Variants in PHYKPL observed in about 807,000 individuals in gnomAD.
The protein encoded by PHYKPL is 5-phosphohydroxy-L-lysine phospho-lyase, also known as 5-phosphonooxy-L-lysine phospho-lyase.
In PHYKPL, 42 loss-of-function variants were observed where a neutral mutation model predicts 51.3. The ratio of observed to expected loss-of-function variants is 0.82; its 90% CI spans 0.64 to 1.06. The LOEUF (loss-of-function observed/expected upper bound fraction) is 1.06, where lower values mean the gene tolerates loss of function less well. Among genes scored for constraint, PHYKPL ranks in the 50% least tolerant of loss-of-function variants. The pLI is 0.00. For synonymous variants in PHYKPL, 264 were observed against 236.0 expected (o/e 1.12, Z -1.09); for missense variants, 655 against 586.6 (o/e 1.12, Z -1.20).
intron 10 of PHYKPL, among the ~76,000 whole-genome samples, chr5:178,214,168 C>CT (rs1459454941): frequency 2.6e-5 from 4 of 152,114 alleles, no homozygotes; most frequent in Admixed American, 2.6e-4. Context: ...ACCAGAAGAG[C>CT]TTTCCATGGT....
At chr5:178,227,575 A>G (rs1001252201) in intron 3 of PHYKPL, among the ~76,000 whole-genome samples, 1 of 152,112 alleles carries the variant, frequency 6.6e-6, no homozygotes, top group African/African-American at 2.4e-5. Context: ...GGAGAAGATG[A>G]GGGAGGCCAG....
chr5:178,224,536 G>C lies in PHYKPL; in HGVS notation c.530C>G (p.Pro177Arg). ...VAPLPDTYRG[P>R]YREDHPNPAM... ...TGGGTTGGGGTGGTCCTCCCGGTAGGGGCCCCGGTAGGTGTCTGGGAGAGG... is the reference window on the plus strand; with the variant it reads ...TGGGTTGGGGTGGTCCTCCCGGTAGCGGCCCCGGTAGGTGTCTGGGAGAGG... The change falls in exon 6 of 13, where the codon CCC (proline) becomes CGC (arginine). Residue 177 changes from proline (P) to arginine (R), a missense_variant. Coordinates refer to ENST00000308158, the MANE Select transcript of PHYKPL (RefSeq NM_153373.4). The C allele has an allele frequency of 6.2e-7, 1 of 1,614,144 alleles. No individual in the cohort carries two copies. The highest frequency in any genetic ancestry group is 8.5e-7 in the Non-Finnish European group (1 of 1,179,970).
intron 3 of PHYKPL, among the ~76,000 whole-genome samples, chr5:178,227,167 T>C (rs143744679): frequency 1.7e-4 from 26 of 151,936 alleles, no homozygotes; most frequent in African/African-American, 6.3e-4. Context: ...TACATTAAGA[T>C]GAGGCCGTCA....
intron 12 of PHYKPL, chr5:178,210,159 A>T: frequency 6.2e-7 from 1 of 1,614,050 alleles, no homozygotes; most frequent in Non-Finnish European, 8.5e-7. Flanking sequence ...AATCAGGGCT[A>T]CGGCAACTAC....
chr5:178,231,624 CGG>C (rs3833653), intron 1 of PHYKPL, 101 bp from the exon 2 acceptor site: 3 of 1,605,192 alleles, frequency 1.9e-6, no homozygotes, highest in Non-Finnish European at 1.7e-6. Flanking sequence ...TTTCTGGTGG[CGG>C]GGGGGAAATG....
At chr5:178,232,052 A>T in intron 1 of PHYKPL, 1 of 1,163,788 alleles carries the variant, frequency 8.6e-7, no homozygotes, top group South Asian at 1.7e-5. Flanking sequence ...CTGTGAACCG[A>T]CTCCCCCGAC....
intron 10 of PHYKPL, among the ~76,000 whole-genome samples, chr5:178,213,554 T>C (rs1013785777): frequency 1.3e-5 from 2 of 152,264 alleles, no homozygotes; most frequent in African/African-American, 4.8e-5. Context: ...TTCCGGGTTA[T>C]CTTACAATTC....
intron 1 of PHYKPL, chr5:178,232,204 GAC>G (rs1763611927): frequency 4.0e-6 from 5 of 1,254,550 alleles, no homozygotes; most frequent in South Asian, 4.7e-5. Context: ...AAGCGAGGCT[GAC>G]ACAGCCGAAC....
intron 11 of PHYKPL, 96 bp from the exon 12 acceptor site, chr5:178,212,066 A>C: frequency 1.5e-6 from 2 of 1,366,806 alleles, no homozygotes; most frequent in Non-Finnish European, 2.1e-6. Flanking sequence ...CAGTTTAGAG[A>C]TTGGGCCCTC....
chr5:178,217,802 G>C (rs1243896135), intron 8 of PHYKPL, among the ~76,000 whole-genome samples: 1 of 146,584 alleles, frequency 6.8e-6, no homozygotes, highest in Non-Finnish European at 1.5e-5. Flanking sequence ...AGCTTGCAGT[G>C]AGCCGAGATC....
chr5:178,210,265 C>A, intron 12 of PHYKPL: 1 of 1,614,106 alleles, frequency 6.2e-7, no homozygotes, highest in South Asian at 1.1e-5. Flanking sequence ...GCCCCGGCTA[C>A]GACTACAGTA....
At chr5:178,210,798 G>GTGTT (rs924332868) in intron 12 of PHYKPL, 7 of 627,506 alleles carry the variant, frequency 1.1e-5, no homozygotes, top group Admixed American at 2.5e-5. Flanking sequence ...AGAGCTCTAG[G>GTGTT]TGTTTAGGCA....
chr5:178,222,234 G>A (rs569881089), intron 8 of PHYKPL, 121 bp downstream of exon 8: 88 of 829,990 alleles, frequency 1.1e-4, no homozygotes, highest in African/African-American at 1.0e-3. Context: ...TAAGGACAGC[G>A]TCTTGGAAGC....
chr5:178,209,979 G>A (rs1427098197), intron 12 of PHYKPL, among the ~76,000 whole-genome samples: 8 of 100,094 alleles, frequency 8.0e-5, no homozygotes, highest in Non-Finnish European at 6.0e-5. Context: ...GCAGGGTTGG[G>A]CCCAGGGCCC....
intron 7 of PHYKPL, 90 bp downstream of exon 7, chr5:178,222,762 G>A: frequency 6.8e-7 from 1 of 1,476,076 alleles, no homozygotes; most frequent in Non-Finnish European, 9.3e-7. Context: ...CTGGCAGTCA[G>A]GACAGGCTGA....
intron 7 of PHYKPL, 60 bp downstream of exon 7, chr5:178,222,792 G>A: frequency 6.4e-7 from 1 of 1,573,486 alleles, no homozygotes; most frequent in Non-Finnish European, 8.7e-7. Context: ...TTGGACCAGA[G>A]GTTGGAAAAC....
chr5:178,210,254 G>A (rs773958228), intron 12 of PHYKPL: 15 of 1,613,856 alleles, frequency 9.3e-6, no homozygotes, highest in East Asian at 6.7e-5. Context: ...TTACGGCTAC[G>A]GCCCCGGCTA....
rs1019168559 is a variant in PHYKPL, at chr5:178,231,662, T to TC, written c.60-140dup. Reference sequence around the variant, plus strand: ...AGAGCTGGAAGGGCAAGGTGCTGCTTCCCTGCCTTGTCTCTCCACTCCACA... The same window carrying TC: ...AGAGCTGGAAGGGCAAGGTGCTGCTTCCCCTGCCTTGTCTCTCCACTCCACA... On this transcript the variant is annotated intron_variant, in intron 1 of 12. Coordinates refer to ENST00000308158, the MANE Select transcript of PHYKPL (RefSeq NM_153373.4). The TC allele has an allele frequency of 1.3e-5, 20 of 1,587,042 alleles. 1 individual carries two copies. The highest frequency in any genetic ancestry group is 1.0e-5 in the Non-Finnish European group (12 of 1,166,652).
At chr5:178,228,884 C>T (rs1033767797) in intron 3 of PHYKPL, among the ~76,000 whole-genome samples, 4 of 152,156 alleles carry the variant, frequency 2.6e-5, no homozygotes, top group Non-Finnish European at 4.4e-5. Flanking sequence ...CCGATAGTTT[C>T]CCAATGCTCT....
Sources: gnomAD v4.1 joint callset for allele counts (sites outside exome capture counted in the v4.1 genomes callset) on GRCh38, gnomAD v4.1.1 for gene constraint, MANE v1.5 for transcripts, NCBI Gene and HGNC (gene_info 2026-07-23, HGNC 2026-07-21) for gene names.